Variants in TP53BP2 observed in about 807,000 individuals in gnomAD.
TP53BP2 encodes the protein tumor protein p53 binding protein 2.
Under a neutral mutation model 126.2 loss-of-function variants are expected in TP53BP2, and 62 were observed. The observed-to-expected ratio is 0.49, with a 90% CI of 0.40 to 0.61. TP53BP2 has a LOEUF of 0.61. Among genes scored for constraint, TP53BP2 ranks in the 20% least tolerant of loss-of-function variants. The pLI is 0.00. For synonymous variants in TP53BP2, 485 were observed against 502.9 expected (o/e 0.96, Z 0.48); for missense variants, 1,215 against 1,402.8 (o/e 0.87, Z 2.14).
intron 1 of TP53BP2, among the ~76,000 whole-genome samples, chr1:223,825,042 C>A (rs1663442895): frequency 6.6e-6 from 1 of 151,794 alleles, no homozygotes; most frequent in African/African-American, 2.4e-5. Flanking sequence ...CACACACACA[C>A]ACACACACAC....
At chr1:223,837,809 C>T (rs1319535541) in intron 1 of TP53BP2, among the ~76,000 whole-genome samples, 1 of 152,046 alleles carries the variant, frequency 6.6e-6, no homozygotes, top group Admixed American at 6.5e-5. Context: ...GTGGCTCCCA[C>T]GTCCCTTCCC....
At chr1:223,835,905 A>C (rs941064773) in intron 1 of TP53BP2, among the ~76,000 whole-genome samples, 5 of 152,148 alleles carry the variant, frequency 3.3e-5, no homozygotes, top group African/African-American at 4.8e-5. Flanking sequence ...TTTGAAGTCC[A>C]GTGAGAACAG....
chr1:223,800,705 T>C lies in TP53BP2; in HGVS notation c.1331A>G (p.Asp444Gly). 6.3e-7 allele frequency: 1 copy of C among 1,595,686 alleles called. No homozygotes were observed. Among genetic ancestry groups the C allele is most frequent in the Non-Finnish European group, 8.5e-7 (1 of 1,174,948 alleles). ...GTAGCACAAATAAATCTCACCTTGATCCAGAGCATTCCCAGTGCTTTGAGG... is the reference window on the plus strand; with the variant it reads ...GTAGCACAAATAAATCTCACCTTGACCCAGAGCATTCCCAGTGCTTTGAGG... ...SVPQSTGNALDQVDDGEVPLR... is the reference protein window; with the variant it reads ...SVPQSTGNALGQVDDGEVPLR... The change falls in exon 10 of 18, where the codon GAT becomes GGT. Residue 444 changes from aspartate to glycine, a missense_variant. Physicochemically the swap from Asp to Gly is moderately conservative, Grantham distance 94. Around this residue, in one of 4 missense-constraint regions of TP53BP2, gnomAD observed 814 missense variants for 853.0 expected, o/e 0.95. Transcript: ENST00000343537.
chr1:223,780,989 T>C (rs1341636125), intron 17 of TP53BP2, 95 bp from the exon 18 acceptor site: 1 of 1,204,240 alleles, frequency 8.3e-7, no homozygotes, highest in South Asian at 1.4e-5. Context: ...ACAGATGTCA[T>C]GGGAAGGAAA....
intron 1 of TP53BP2, among the ~76,000 whole-genome samples, chr1:223,836,716 T>C (rs1404406437): frequency 6.6e-6 from 1 of 151,932 alleles, no homozygotes; most frequent in Non-Finnish European, 1.5e-5. Flanking sequence ...AGGAGAGCAT[T>C]ACAACAGTCC....
At chr1:223,789,642 G>T (rs1222120) in intron 15 of TP53BP2, among the ~76,000 whole-genome samples, 24,156 of 152,046 alleles carry the variant, frequency 0.16, 2,927 homozygotes, top group African/African-American at 0.33. Context: ...AAGTTGCATA[G>T]ATGAACTACT....
chr1:223,843,315 C>T (rs1183048016), intron 1 of TP53BP2, among the ~76,000 whole-genome samples: 8 of 151,948 alleles, frequency 5.3e-5, no homozygotes, highest in East Asian at 1.9e-4. Flanking sequence ...GGACTACAGG[C>T]GCACGCCACC....
At chr1:223,786,684 G>C (rs1408639660) in intron 16 of TP53BP2, among the ~76,000 whole-genome samples, 1 of 151,354 alleles carries the variant, frequency 6.6e-6, no homozygotes, top group Non-Finnish European at 1.5e-5. Context: ...TCAGCTCACT[G>C]CAAGTTCCTC....
intron 1 of TP53BP2, among the ~76,000 whole-genome samples, chr1:223,829,452 T>A (rs1409002248): frequency 6.6e-6 from 1 of 152,156 alleles, no homozygotes; most frequent in Non-Finnish European, 1.5e-5. Flanking sequence ...ATAGTAAGCA[T>A]AAGGAAATAA....
rs371497485 is a variant in TP53BP2 at position 223,837,722 on chromosome 1, G to GGTC, written c.27+7929_27+7931dup. On this transcript the variant is annotated intron_variant, in intron 1 of 17. Coordinates refer to ENST00000343537, the MANE Select transcript of TP53BP2 (RefSeq NM_001031685.3). Reference sequence around the variant, plus strand: ...AAGTCTTACACTCTGGCACCTCTAAGGTCCACTGTCCACACAGCAACAGAG... The same window carrying GGTC: ...AAGTCTTACACTCTGGCACCTCTAAGGTCGTCCACTGTCCACACAGCAACAGAG... 3.6e-3 allele frequency among the ~76,000 whole-genome samples: 551 copies of GGTC among 152,222 alleles called. 3 individuals carry two copies. The highest frequency in any genetic ancestry group is 0.012 in the African/African-American group (507 of 41,522).
chr1:223,817,958 A>T (rs1663148095), intron 2 of TP53BP2, among the ~76,000 whole-genome samples: 1 of 152,022 alleles, frequency 6.6e-6, no homozygotes, highest in South Asian at 2.1e-4. Flanking sequence ...AGATTTACAC[A>T]TACTAATCTG....
chr1:223,838,591 G>A (rs145571582), intron 1 of TP53BP2, among the ~76,000 whole-genome samples: 2 of 152,294 alleles, frequency 1.3e-5, no homozygotes, highest in East Asian at 1.9e-4. Flanking sequence ...CATTCTATGC[G>A]TCCCTGTCCT....
intron 1 of TP53BP2, among the ~76,000 whole-genome samples, chr1:223,835,960 AG>A (rs1232994670): frequency 6.6e-6 from 1 of 152,194 alleles, no homozygotes; most frequent in Non-Finnish European, 1.5e-5. Context: ...TTAACATAAA[AG>A]AAGTACTATT....
chr1:223,829,748 A>C (rs1177658676), intron 1 of TP53BP2, among the ~76,000 whole-genome samples: 2 of 146,282 alleles, frequency 1.4e-5, no homozygotes, highest in East Asian at 3.9e-4. Flanking sequence ...AAAAAAAAAA[A>C]ACAGCTGTTA....
At chr1:223,815,090 T>C (rs1054534794) in intron 2 of TP53BP2, among the ~76,000 whole-genome samples, 2 of 152,214 alleles carry the variant, frequency 1.3e-5, no homozygotes, top group African/African-American at 4.8e-5. Flanking sequence ...AGGAGGCAAT[T>C]GCTTAAAATC....
At chr1:223,829,134 C>A (rs1663607545) in intron 1 of TP53BP2, among the ~76,000 whole-genome samples, 2 of 151,990 alleles carry the variant, frequency 1.3e-5, no homozygotes, top group Non-Finnish European at 2.9e-5. Flanking sequence ...TGAGAGCAGA[C>A]CATCCGGGGC....
At chr1:223,808,551 A>G (rs1166521801) in intron 4 of TP53BP2, among the ~76,000 whole-genome samples, 1 of 151,924 alleles carries the variant, frequency 6.6e-6, no homozygotes, top group African/African-American at 2.4e-5. Flanking sequence ...AAAAAAAAAA[A>G]AAAAAATGAA....
intron 1 of TP53BP2, among the ~76,000 whole-genome samples, chr1:223,843,022 G>A (rs1664154130): frequency 6.6e-6 from 1 of 152,172 alleles, no homozygotes; most frequent in South Asian, 2.1e-4. Context: ...TATCTCTACT[G>A]TGATTTGCAG....
intron 4 of TP53BP2, among the ~76,000 whole-genome samples, chr1:223,808,674 T>C (rs1662808844): frequency 6.7e-6 from 1 of 149,480 alleles, no homozygotes; most frequent in South Asian, 2.1e-4. Context: ...AAAATCTCTA[T>C]GACCCTGGGT....
Sources: gnomAD v4.1 joint callset for allele counts (sites outside exome capture counted in the v4.1 genomes callset) on GRCh38, gnomAD v4.1.1 for gene constraint, gnomAD v4.1.1 regional missense constraint, MANE v1.5 for transcripts, NCBI Gene and HGNC (gene_info 2026-07-23, HGNC 2026-07-21) for gene names.